Variants in CACNA2D3 observed in about 807,000 individuals in gnomAD.
The protein encoded by CACNA2D3 is calcium voltage-gated channel auxiliary subunit alpha2delta 3.
CACNA2D3 carries 60 observed loss-of-function variants against 160.6 expected under a neutral mutation model. That is an observed-to-expected ratio of 0.37 (90% CI 0.30 to 0.46). The LOEUF (loss-of-function observed/expected upper bound fraction) is 0.46. Ranked by LOEUF, CACNA2D3 falls within the 20% of genes least tolerant of loss-of-function variation. The probability of loss-of-function intolerance (pLI) is 1.00; values close to 1 mark genes in which losing one functional copy is unlikely to be tolerated. For missense variants in CACNA2D3, 1,205 were observed against 1,365.0 expected (o/e 0.88, Z 1.85); for synonymous variants, 558 against 492.9 (o/e 1.13, Z -1.75).
At chr3:54,282,158 C>G (rs147474887) in intron 2 of CACNA2D3, among the ~76,000 whole-genome samples, 10 of 151,806 alleles carry the variant, frequency 6.6e-5, no homozygotes, top group Admixed American at 2.0e-4. Flanking sequence ...GCATGTTGAA[C>G]GCTGAGAAAA....
chr3:54,433,392 C>T (rs1415113372), intron 4 of CACNA2D3, among the ~76,000 whole-genome samples: 2 of 152,180 alleles, frequency 1.3e-5, no homozygotes, highest in Non-Finnish European at 2.9e-5. Context: ...ATAGAGCTTT[C>T]ATCTTCAGAT....
chr3:54,668,495 C>A (rs1233032437), intron 11 of CACNA2D3, among the ~76,000 whole-genome samples: 1 of 152,204 alleles, frequency 6.6e-6, no homozygotes, highest in Non-Finnish European at 1.5e-5. Context: ...ATTACAGTGG[C>A]AAAATCTCAG....
chr3:54,949,902 A>G (rs144390097), intron 27 of CACNA2D3, among the ~76,000 whole-genome samples: 114 of 152,272 alleles, frequency 7.5e-4, no homozygotes, highest in African/African-American at 2.4e-3. Context: ...GGCATTATTC[A>G]TGTCTAGTCT....
At chr3:54,360,569 T>A (rs1461913917) in intron 3 of CACNA2D3, among the ~76,000 whole-genome samples, 1 of 152,108 alleles carries the variant, frequency 6.6e-6, no homozygotes, top group Non-Finnish European at 1.5e-5. Flanking sequence ...ACTTAAGCTA[T>A]CAATCGTTAC....
intron 2 of CACNA2D3, among the ~76,000 whole-genome samples, chr3:54,140,268 A>G (rs1324369357): frequency 6.6e-6 from 1 of 152,174 alleles, no homozygotes; most frequent in Non-Finnish European, 1.5e-5. Flanking sequence ...GAAAACAAAT[A>G]TTTGTCCAGC....
intron 9 of CACNA2D3, among the ~76,000 whole-genome samples, chr3:54,584,935 G>A (rs2106745050): frequency 6.6e-6 from 1 of 152,256 alleles, no homozygotes. Flanking sequence ...TATCCATCAG[G>A]AATGAAGGAG....
intron 27 of CACNA2D3, among the ~76,000 whole-genome samples, chr3:54,924,013 G>A (rs1257771074): frequency 6.6e-6 from 1 of 152,190 alleles, no homozygotes; most frequent in African/African-American, 2.4e-5. Flanking sequence ...GCTGTAGTTT[G>A]CTAACCCTGG....
At chr3:54,561,957 G>A (rs1287007246) in intron 5 of CACNA2D3, among the ~76,000 whole-genome samples, 2 of 152,186 alleles carry the variant, frequency 1.3e-5, no homozygotes, top group Non-Finnish European at 2.9e-5. Flanking sequence ...CATATGTAGG[G>A]GAGTGCCCCT....
chr3:54,344,882 T>TA (rs1259484945), intron 3 of CACNA2D3, among the ~76,000 whole-genome samples: 5 of 152,180 alleles, frequency 3.3e-5, no homozygotes, highest in Non-Finnish European at 7.4e-5. Context: ...ATAAAGACCT[T>TA]ACTGATAAAA....
chr3:54,964,274 T>G (rs904526653), intron 27 of CACNA2D3, among the ~76,000 whole-genome samples: 1 of 152,218 alleles, frequency 6.6e-6, no homozygotes, highest in African/African-American at 2.4e-5. Context: ...TCTATCCATG[T>G]GATGAAGATT....
At chr3:54,986,667 G>C (rs1474356297) in intron 30 of CACNA2D3, among the ~76,000 whole-genome samples, 1 of 152,084 alleles carries the variant, frequency 6.6e-6, no homozygotes, top group Non-Finnish European at 1.5e-5. Context: ...ATGGAATTGG[G>C]GTTTAGTTAA....
intron 2 of CACNA2D3, among the ~76,000 whole-genome samples, chr3:54,241,329 T>C (rs1420101582): frequency 6.6e-6 from 1 of 152,182 alleles, no homozygotes; most frequent in African/African-American, 2.4e-5. Context: ...CTGTATATAA[T>C]CCTTATAGCC....
intron 11 of CACNA2D3, among the ~76,000 whole-genome samples, chr3:54,696,166 A>G (rs2106940312): frequency 6.6e-6 from 1 of 152,270 alleles, no homozygotes; most frequent in East Asian, 1.9e-4. Context: ...AGTTTCCATT[A>G]TAGTTGCCAT....
At chr3:55,027,199 A>G (rs1194308431) in intron 35 of CACNA2D3, among the ~76,000 whole-genome samples, 4 of 152,252 alleles carry the variant, frequency 2.6e-5, no homozygotes, top group Admixed American at 1.3e-4. Context: ...TGTTTATACA[A>G]TATAAAAAAG....
chr3:54,259,485 A>G (rs1702365986), intron 2 of CACNA2D3, among the ~76,000 whole-genome samples: 1 of 152,234 alleles, frequency 6.6e-6, no homozygotes, highest in Non-Finnish European at 1.5e-5. Flanking sequence ...CTTCCACTTA[A>G]TTAAGCCACA....
chr3:54,481,931 T>C (rs1700939776), intron 4 of CACNA2D3, among the ~76,000 whole-genome samples: 1 of 152,260 alleles, frequency 6.6e-6, no homozygotes, highest in African/African-American at 2.4e-5. Flanking sequence ...TGGGGATTTC[T>C]ACAATGACTT....
At chr3:54,394,424 G>T (rs1283189611) in intron 4 of CACNA2D3, among the ~76,000 whole-genome samples, 3 of 146,880 alleles carry the variant, frequency 2.0e-5, no homozygotes, top group African/African-American at 7.7e-5. Flanking sequence ...ACCCACTAAC[G>T]TGTCATCTAG....
At chr3:54,762,650 T>G (rs963978457) in intron 12 of CACNA2D3, among the ~76,000 whole-genome samples, 1 of 152,162 alleles carries the variant, frequency 6.6e-6, no homozygotes, top group Non-Finnish European at 1.5e-5. Context: ...CCTTTCCCTT[T>G]TAACATCTCC....
intron 13 of CACNA2D3, among the ~76,000 whole-genome samples, chr3:54,774,972 G>A (rs560572887): frequency 6.6e-6 from 1 of 152,222 alleles, no homozygotes; most frequent in African/African-American, 2.4e-5. Context: ...TCCCAGACAG[G>A]ATCTCTCTAC....
Sources: gnomAD v4.1 joint callset for allele counts (sites outside exome capture counted in the v4.1 genomes callset) on GRCh38, gnomAD v4.1.1 for gene constraint, MANE v1.5 for transcripts, NCBI Gene and HGNC (gene_info 2026-07-23, HGNC 2026-07-21) for gene names.